The following PCDH15 variants were observed in gnomAD, a reference collection of about 807,000 sequenced individuals.
The protein encoded by PCDH15 is protocadherin related 15.
Under a neutral mutation model 178.5 loss-of-function variants are expected in PCDH15, and 129 were observed. The ratio of observed to expected loss-of-function variants is 0.72; its 90% CI spans 0.63 to 0.84. The LOEUF is 0.84. PCDH15 is among the 40% of genes least tolerant of loss of function. The pLI is 0.00. For missense variants in PCDH15, 2,230 were observed against 2,099.9 expected, an observed-to-expected ratio of 1.06 and a Z score of -1.21; for synonymous variants, 800 against 732.0, an observed-to-expected ratio of 1.09 and a Z score of -1.50.
chr10:55,492,433 T>C (rs1221751522), intron 2 of PCDH15, among the ~76,000 whole-genome samples: 1 of 151,686 alleles, frequency 6.6e-6, no homozygotes, highest in African/African-American at 2.4e-5. Context: ...TAGTCAAAGA[T>C]TGGCTAAAAG....
intron 20 of PCDH15, among the ~76,000 whole-genome samples, chr10:53,996,188 A>G (rs888408072): frequency 1.5e-5 from 2 of 137,510 alleles, no homozygotes; most frequent in African/African-American, 5.7e-5. Context: ...AATGTAAATT[A>G]TTTTATATAC....
intron 1 of PCDH15, among the ~76,000 whole-genome samples, chr10:54,795,167 C>CTTT (rs372949540): frequency 6.6e-6 from 1 of 151,722 alleles, no homozygotes; most frequent in Non-Finnish European, 1.5e-5. Context: ...TAGTTTTATA[C>CTTT]TTTTTTTCTA....
At chr10:55,321,077 C>T (rs138528476), upstream of PCDH15, among the ~76,000 whole-genome samples, 187 of 146,554 alleles carry the variant, frequency 1.3e-3, no homozygotes, top group African/African-American at 4.0e-3. Flanking sequence ...GATGAAATGG[C>T]CATTGAAAAG....
Position 54,650,012 on chromosome 10 carries a change from A to G in PCDH15, c.91+14160T>C, listed in dbSNP as rs116691525. Among the ~76,000 whole-genome samples the G allele has an allele frequency of 2.8e-3, 431 of 152,316 alleles. 3 individuals carry two copies. The highest frequency in any genetic ancestry group is 9.4e-3 in the African/African-American group (389 of 41,568). On this transcript the variant is annotated intron_variant, in intron 2 of 37. Coordinates refer to ENST00000644397, the MANE Select transcript of PCDH15 (RefSeq NM_001384140.1). The stretch of plus-strand genomic sequence containing the variant: ...CATTCTGCCAAGTCCTGAGGAAAAT[A>G]TAAGTAACTGAGACTGTCTCTGTTC...
chr10:53,959,840 A>G lies in PCDH15; in HGVS notation c.3014T>C (p.Val1005Ala). The G allele has an allele frequency of 1.2e-6, 2 of 1,612,514 alleles. No homozygotes were observed. The highest frequency in any genetic ancestry group is 1.7e-6 in the Non-Finnish European group (2 of 1,178,600). Reference sequence around the variant, plus strand: ...CTCCCCATCATCAAAAGCAACCACCACCAACTTAAAAAGCAATAAAAATTC... The same window carrying G: ...CTCCCCATCATCAAAAGCAACCACCGCCAACTTAAAAAGCAATAAAAATTC... ...NEEPTTIFKL[V>A]VVAFDDGEPV... Residue 1005 changes from valine to alanine, a missense_variant, in exon 23 of 38, where the codon GTG (valine) becomes GCG (alanine). Transcript: ENST00000644397.
intron 2 of PCDH15, among the ~76,000 whole-genome samples, chr10:55,076,085 C>T (rs967587795): frequency 1.3e-5 from 2 of 152,018 alleles, no homozygotes; most frequent in Non-Finnish European, 2.9e-5. Context: ...TTTATTTCAT[C>T]GTTGTCTGAG....
rs749915880 is a variant in PCDH15, at chr10:55,456,754, T to C, written c.-156+170871A>G. On this transcript the variant is annotated intron_variant, in intron 2 of 5. Coordinates refer to the PCDH15 transcript ENST00000613346. The stretch of plus-strand genomic sequence containing the variant: ...GAGAGTCTAAATTGACAGCCTTGTC[T>C]GGTTCTGAAAAAAAAATTGCTCTAA... 2.6e-4 allele frequency among the ~76,000 whole-genome samples: 39 copies of C among 152,130 alleles called. No individual in the cohort carries two copies. The Middle Eastern group carries it at 0.01, about 40-fold the overall frequency.
intron 1 of PCDH15, among the ~76,000 whole-genome samples, chr10:55,229,700 A>G (rs1238416375): frequency 6.6e-6 from 1 of 152,106 alleles, no homozygotes; most frequent in East Asian, 1.9e-4. Context: ...GTATAGACCA[A>G]TCCAGTAAAT....
chr10:55,553,031 C>A (rs10740619), intron 2 of PCDH15, among the ~76,000 whole-genome samples: 112,398 of 151,424 alleles, frequency 0.74, 42,583 homozygotes, highest in East Asian at 0.99. Context: ...CATTAATTGA[C>A]TTACACAGAG....
intron 23 of PCDH15, among the ~76,000 whole-genome samples, chr10:53,958,931 A>T (rs1317229169): frequency 1.5e-5 from 2 of 137,124 alleles, no homozygotes; most frequent in African/African-American, 2.7e-5. Context: ...GTGACCCGAG[A>T]TTACGTCACT....
chr10:55,581,976 GGACCTGC>G (rs1842624836), intron 2 of PCDH15, among the ~76,000 whole-genome samples: 4 of 152,096 alleles, frequency 2.6e-5, no homozygotes, highest in Non-Finnish European at 5.9e-5. Flanking sequence ...AGCCTACCAA[GGACCTGC>G]GATTATATGC....
intron 2 of PCDH15, among the ~76,000 whole-genome samples, chr10:55,005,489 T>A (rs1008948097): frequency 6.6e-6 from 1 of 152,150 alleles, no homozygotes; most frequent in South Asian, 2.1e-4. Context: ...TCATTTAGTA[T>A]CTACGTGGAT....
chr10:54,476,043 T>C (rs970651980), intron 3 of PCDH15, among the ~76,000 whole-genome samples: 3 of 147,376 alleles, frequency 2.0e-5, no homozygotes, highest in Non-Finnish European at 3.0e-5. Context: ...TATATATATA[T>C]GCATAGTGAT....
intron 2 of PCDH15, among the ~76,000 whole-genome samples, chr10:55,046,904 T>A (rs1841020325): frequency 6.6e-6 from 1 of 151,992 alleles, no homozygotes; most frequent in Non-Finnish European, 1.5e-5. Context: ...CAATACATTA[T>A]TAATTTAAAG....
At chr10:53,890,650 G>A (rs1211380311) in intron 26 of PCDH15, among the ~76,000 whole-genome samples, 1 of 152,030 alleles carries the variant, frequency 6.6e-6, no homozygotes, top group South Asian at 2.1e-4. Context: ...ATAAAAACTA[G>A]TGTAGCTACC....
intron 1 of PCDH15, among the ~76,000 whole-genome samples, chr10:55,315,356 A>C (rs188271879): frequency 1.3e-4 from 20 of 152,348 alleles, no homozygotes; most frequent in African/African-American, 4.6e-4. Flanking sequence ...AAATGTATTA[A>C]GTATGATTTT....
intron 2 of PCDH15, among the ~76,000 whole-genome samples, chr10:54,617,498 T>C (rs75799912): frequency 0.046 from 6,985 of 152,112 alleles, 485 homozygotes; most frequent in African/African-American, 0.15. Context: ...TAAGGTCTTC[T>C]ATACAGCTAA....
chr10:55,232,827 A>G (rs1841263897), intron 1 of PCDH15, among the ~76,000 whole-genome samples: 1 of 152,124 alleles, frequency 6.6e-6, no homozygotes, highest in South Asian at 2.1e-4. Flanking sequence ...CAATCAAGTT[A>G]CATAAGCTCC....
intron 2 of PCDH15, among the ~76,000 whole-genome samples, chr10:54,917,434 C>A (rs1432195212): frequency 6.6e-6 from 1 of 152,158 alleles, no homozygotes; most frequent in Non-Finnish European, 1.5e-5. Context: ...TAAGGGACTC[C>A]TTCCTTACCA....
Sources: gnomAD v4.1 joint callset for allele counts (sites outside exome capture counted in the v4.1 genomes callset) on GRCh38, gnomAD v4.1.1 for gene constraint, MANE v1.5 for transcripts, NCBI Gene and HGNC (gene_info 2026-07-23, HGNC 2026-07-21) for gene names.